The following ZNF398 variants were observed in gnomAD, a reference collection of about 807,000 sequenced individuals.
The protein encoded by ZNF398 is zinc finger DNA binding protein ZER6.
A neutral mutation model predicts 41.9 loss-of-function variants in ZNF398; 18 were observed. The observed-to-expected ratio is 0.43, with a 90% CI of 0.30 to 0.64. The LOEUF (loss-of-function observed/expected upper bound fraction) is 0.64, where lower values mean the gene tolerates loss of function less well. Ranked by LOEUF, ZNF398 falls within the 30% of genes least tolerant of loss-of-function variation. The pLI, the probability that ZNF398 is intolerant of heterozygous loss-of-function variation, is 0.14. For synonymous variants in ZNF398, 260 were observed against 308.8 expected, an observed-to-expected ratio of 0.84 and a Z score of 1.66; for missense variants, 669 against 822.8, an observed-to-expected ratio of 0.81 and a Z score of 2.29.
chr7:149,156,079 G>A (rs1042762789), intron 2 of ZNF398, among the ~76,000 whole-genome samples: 6 of 152,004 alleles, frequency 3.9e-5, no homozygotes, highest in Non-Finnish European at 8.8e-5. Context: ...ATGGATCGTA[G>A]GGGAAGAACT....
At chr7:149,126,526 A>C in exon 1 of ZNF398, 2 of 486,122 alleles carry the variant, frequency 4.1e-6, no homozygotes, top group Non-Finnish European at 7.2e-6. Context: ...GTCGAAGACG[A>C]GATGAGGGAG....
intron 2 of ZNF398, among the ~76,000 whole-genome samples, chr7:149,156,284 A>T (rs893894955): frequency 6.6e-6 from 1 of 151,458 alleles, no homozygotes. Context: ...AGGCGGGCGG[A>T]TCATGAGGTC....
rs1469790022 is a variant in ZNF398 at position 149,147,654 on chromosome 7, C to G, written c.-89C>G. On this transcript the variant is annotated 5_prime_UTR_variant, in exon 1 of 6. Transcript: ENST00000475153. The surrounding 1 kb of genome is among the most constrained non-coding windows in gnomAD (Gnocchi z 5.6). ...GGTCGGCGCCGCCTGTGGAGAGGAC[C>G]CGGCGGCCGGGCCTGCTTGGAGCCG... 8.2e-7 allele frequency: 1 copy of G among 1,221,826 alleles called. No individual in the cohort carries two copies. Among genetic ancestry groups the G allele is most frequent in the African/African-American group, 1.6e-5 (1 of 63,284 alleles). The allele number at this position is 1,221,826 out of a possible 1,614,324, so 75.7% of individuals were successfully genotyped here.
upstream of ZNF398, among the ~76,000 whole-genome samples, chr7:149,146,717 G>A (rs949805990): frequency 2.0e-5 from 3 of 151,964 alleles, no homozygotes; most frequent in African/African-American, 4.8e-5. Context: ...GGGCATGGTG[G>A]TACATGCCTG....
At chr7:149,166,983 G>T (rs764226409) in intron 4 of ZNF398, 53 bp downstream of exon 4, 4 of 1,363,068 alleles carry the variant, frequency 2.9e-6, no homozygotes, top group Non-Finnish European at 3.1e-6. Flanking sequence ...GGTCAGACAT[G>T]GTGGCTCAGA....
In ZNF398 at chr7:149,136,119, T is replaced by G. The variant is rs549374446; in HGVS notation, c.-490+7175T>G. ...GTTCTAGAAATTTCCTAGTTTTATG[T>G]TTTAAATTTATTTATTTATTTATTT... On this transcript the variant is annotated intron_variant, in intron 2 of 6. Coordinates refer to the ZNF398 transcript ENST00000426851. Among the ~76,000 whole-genome samples, 403 of 131,700 alleles carry G rather than the reference T, an allele frequency of 3.1e-3. 1 individual carries two copies. Among genetic ancestry groups the G allele is most frequent in the Middle Eastern group, 0.026 (7 of 266 alleles). The allele number at this position is 131,700 out of a possible 152,430, so 86.4% of individuals were successfully genotyped here. A position where few individuals can be genotyped will look rare whatever the true frequency, so the allele number is the denominator to read the frequency against.
At chr7:149,155,734 T>TTTTTTTTTTA (rs1794962065) in intron 2 of ZNF398, among the ~76,000 whole-genome samples, 1 of 110,654 alleles carries the variant, frequency 9.0e-6, no homozygotes, top group East Asian at 2.5e-4. Context: ...TTTTTTAATT[T>TTTTTTTTTTA]TTTTTTTTTT....
rs1283961879 is a variant in ZNF398 at position 149,176,531 on chromosome 7, G to C, written c.725G>C (p.Gly242Ala). ...AAACAAGAAGAAGAGCCTCAGGTTG[G>C]GGCCCCACCGGAGTCCAAGGAGAGT... is the stretch of plus-strand genomic sequence containing the variant. ...WIKQEEEPQV[G>A]APPESKESDV... The change falls in exon 5 of 6, where the codon GGG becomes GCG. Residue 242 changes from glycine to alanine, a missense_variant. Physicochemically the swap from Gly to Ala is moderately conservative, Grantham distance 60 (BLOSUM62 0). Around this residue, in one of 3 missense-constraint regions of ZNF398, gnomAD observed 290 missense variants for 292.9 expected, o/e 0.99. Coordinates refer to ENST00000475153, the MANE Select transcript of ZNF398 (RefSeq NM_170686.3). The C allele has an allele frequency of 1.9e-6, 3 of 1,612,954 alleles. No individual in the cohort carries two copies. In the African/African-American group the frequency reaches 4.0e-5, roughly 22 times the overall value.
intron 3 of ZNF398, 43 bp from the exon 4 acceptor site, chr7:149,166,774 T>C: frequency 7.0e-7 from 1 of 1,421,700 alleles, no homozygotes; most frequent in East Asian, 2.3e-5. Context: ...GTCATCCTCA[T>C]TTATCTCTTT....
At chr7:149,142,623 C>T (rs147676559), upstream of ZNF398, among the ~76,000 whole-genome samples, 5,748 of 152,222 alleles carry the variant, frequency 0.038, 160 homozygotes, top group Non-Finnish European at 0.059. Flanking sequence ...GCCAAGATCG[C>T]GCCACTGCAC....
chr7:149,157,694 T>A (rs10275785), intron 2 of ZNF398, among the ~76,000 whole-genome samples: 1 of 146,730 alleles, frequency 6.8e-6, no homozygotes, highest in Non-Finnish European at 1.5e-5. Context: ...AAAAATTAGC[T>A]GGGCGTGGTG....
chr7:149,157,094 G>T (rs1299020388), intron 2 of ZNF398, among the ~76,000 whole-genome samples: 1 of 152,076 alleles, frequency 6.6e-6, no homozygotes, highest in Admixed American at 6.6e-5. Context: ...GAAGAACTGG[G>T]TAGATGGTGT....
At chr7:149,136,573 T>C (rs1441246542) in intron 2 of ZNF398, among the ~76,000 whole-genome samples, 1 of 152,046 alleles carries the variant, frequency 6.6e-6, no homozygotes, top group Admixed American at 6.6e-5. Flanking sequence ...TAAGTGCTTT[T>C]TTTTTCTTTT....
At chr7:149,167,362 A>AT (rs1056118345) in intron 4 of ZNF398, among the ~76,000 whole-genome samples, 4 of 152,040 alleles carry the variant, frequency 2.6e-5, no homozygotes, top group East Asian at 3.8e-4. Flanking sequence ...GGCAACATGG[A>AT]TTTTCTCAGG....
intron 2 of ZNF398, among the ~76,000 whole-genome samples, chr7:149,133,687 A>G (rs866031455): frequency 0.015 from 928 of 62,606 alleles, 26 homozygotes; most frequent in African/African-American, 0.053. Flanking sequence ...ATACATATAT[A>G]TGTGTGTATA....
At chr7:149,155,707 A>ATTT (rs1359986695) in intron 2 of ZNF398, among the ~76,000 whole-genome samples, 2 of 73,536 alleles carry the variant, frequency 2.7e-5, no homozygotes, top group Non-Finnish European at 4.8e-5. Context: ...ATATATATAT[A>ATTT]TTTTTTTTTT....
At chr7:149,151,206 G>C (rs1458189379) in intron 1 of ZNF398, 2 of 1,198,352 alleles carry the variant, frequency 1.7e-6, no homozygotes, top group African/African-American at 3.1e-5. Flanking sequence ...ATTTCCTCTA[G>C]GCACGCTTAC....
upstream of ZNF398, among the ~76,000 whole-genome samples, chr7:149,145,163 T>C (rs1274586391): frequency 6.6e-6 from 1 of 152,188 alleles, no homozygotes; most frequent in African/African-American, 2.4e-5. Flanking sequence ...CAGATAGTTA[T>C]ACTGTTATGG....
chr7:149,133,087 C>A (rs1826631224), intron 2 of ZNF398, among the ~76,000 whole-genome samples: 1 of 151,118 alleles, frequency 6.6e-6, no homozygotes, highest in Admixed American at 6.6e-5. Flanking sequence ...TTTAGGCTGG[C>A]TTCTTTAGTG....
Sources: gnomAD v4.1 joint callset for allele counts (sites outside exome capture counted in the v4.1 genomes callset) on GRCh38, gnomAD v4.1.1 for gene constraint, gnomAD v4.1.1 regional missense constraint, Gnocchi (gnomAD v3.1) non-coding constraint, MANE v1.5 for transcripts, NCBI Gene and HGNC (gene_info 2026-07-23, HGNC 2026-07-21) for gene names.